The following CACNA2D3 variants were observed in gnomAD, a reference collection of about 807,000 sequenced individuals.
The protein encoded by CACNA2D3 is voltage-dependent calcium channel subunit alpha-2/delta-3.
In CACNA2D3, 60 loss-of-function variants were observed where a neutral mutation model predicts 160.6. The ratio of observed to expected loss-of-function variants is 0.37; its 90% CI spans 0.30 to 0.46. CACNA2D3 has a LOEUF of 0.46. Ranked by LOEUF, CACNA2D3 falls within the 20% of genes least tolerant of loss-of-function variation. The pLI is 1.00. For synonymous variants in CACNA2D3, 558 were observed against 492.9 expected (o/e 1.13, Z -1.75); for missense variants, 1,205 against 1,365.0 (o/e 0.88, Z 1.85).
chr3:54,918,321 C>CTTTTTTTTTTTT (rs60257399), intron 27 of CACNA2D3: 4 of 394,434 alleles, frequency 1.0e-5, no homozygotes, highest in East Asian at 5.1e-5. Context: ...ACAGACACAT[C>CTTTTTTTTTTTT]TTTTTTTTTT....
intron 9 of CACNA2D3, among the ~76,000 whole-genome samples, chr3:54,607,728 A>C (rs1698666197): frequency 6.6e-6 from 1 of 152,300 alleles, no homozygotes; most frequent in Non-Finnish European, 1.5e-5. Flanking sequence ...CCATTCCTGG[A>C]TATTTACCAA....
intron 9 of CACNA2D3, among the ~76,000 whole-genome samples, chr3:54,593,642 T>G (rs2106759878): frequency 6.6e-6 from 1 of 152,384 alleles, no homozygotes; most frequent in Non-Finnish European, 1.5e-5. Flanking sequence ...TGTGGGTCTG[T>G]AAGTGCCAGT....
chr3:54,819,524 G>T (rs993220793), intron 14 of CACNA2D3, among the ~76,000 whole-genome samples: 5 of 152,122 alleles, frequency 3.3e-5, no homozygotes, highest in African/African-American at 1.2e-4. Context: ...AGCCCAGCAG[G>T]TATGGGTGCT....
At chr3:54,474,360 G>T (rs981361480) in intron 4 of CACNA2D3, among the ~76,000 whole-genome samples, 5 of 151,808 alleles carry the variant, frequency 3.3e-5, no homozygotes, top group African/African-American at 9.7e-5. Context: ...AGAACACATG[G>T]ACACAGGGAG....
At chr3:55,049,255 C>A (rs1279064728) in intron 35 of CACNA2D3, among the ~76,000 whole-genome samples, 1 of 148,114 alleles carries the variant, frequency 6.8e-6, no homozygotes, top group Non-Finnish European at 1.5e-5. Flanking sequence ...TATAAATTTC[C>A]CTCTACACAC....
intron 4 of CACNA2D3, among the ~76,000 whole-genome samples, chr3:54,436,767 T>G (rs1700066108): frequency 6.6e-6 from 1 of 151,712 alleles, no homozygotes; most frequent in East Asian, 1.9e-4. Context: ...CATCACACCC[T>G]GGGGCCTGTC....
chr3:54,183,003 T>C (rs1216975622), intron 2 of CACNA2D3, among the ~76,000 whole-genome samples: 3 of 152,306 alleles, frequency 2.0e-5, no homozygotes, highest in South Asian at 4.1e-4. Flanking sequence ...GTAAAAGATA[T>C]AATCTACATA....
chr3:54,696,411 C>T lies in CACNA2D3; in HGVS notation c.1167+54170C>T, dbSNP rs191661803. Among the ~76,000 whole-genome samples, 36 of 152,302 alleles carry T rather than the reference C, an allele frequency of 2.4e-4. No individual in the cohort carries two copies. The East Asian group carries it at 6.8e-3, about 29-fold the overall frequency. On this transcript the variant is annotated intron_variant, in intron 11 of 37. Coordinates refer to ENST00000474759, the MANE Select transcript of CACNA2D3 (RefSeq NM_018398.3). The stretch of plus-strand genomic sequence containing the variant: ...TGCCTATGAGGTCCGATGCTATTTA[C>T]AATGCATAGAAATGAGTTTGACTTC...
rs1921538 is a variant in CACNA2D3, at chr3:54,825,281, G to C, written c.1398+8411G>C. On this transcript the variant is annotated intron_variant, in intron 14 of 37. Coordinates refer to ENST00000474759, the MANE Select transcript of CACNA2D3 (RefSeq NM_018398.3). ...CTTCTTCCTTCTACACAGAAGGGAA[G>C]GTAGAGGATCGAGGAAAGTTATTTC... 5.4e-3 allele frequency among the ~76,000 whole-genome samples: 821 copies of C among 152,322 alleles called. 8 individuals are homozygous for C. Among genetic ancestry groups the C allele is most frequent in the African/African-American group, 0.018 (730 of 41,574 alleles).
At position 54,242,335 on chromosome 3, in the gene CACNA2D3, C is replaced by T. The variant is rs757096019; in HGVS notation, c.205-78107C>T. Reference sequence around the variant, plus strand: ...GTGGACGTCTGTAATCCCAGCTACTCGGGAGGCTGAGGCAGGATAATCACT... The same window carrying T: ...GTGGACGTCTGTAATCCCAGCTACTTGGGAGGCTGAGGCAGGATAATCACT... On this transcript the variant is annotated intron_variant, in intron 2 of 37. Transcript: ENST00000474759. Among the ~76,000 whole-genome samples, 7 of 152,044 alleles carry T rather than the reference C, an allele frequency of 4.6e-5. 1 individual carries two copies. Among genetic ancestry groups the T allele is most frequent in the African/African-American group, 4.8e-5 (2 of 41,402 alleles).
At chr3:54,218,588 C>A (rs1701505896) in intron 2 of CACNA2D3, among the ~76,000 whole-genome samples, 1 of 152,156 alleles carries the variant, frequency 6.6e-6, no homozygotes. Context: ...TGACTTGGGA[C>A]AGGATTTTAG....
intron 27 of CACNA2D3, among the ~76,000 whole-genome samples, chr3:54,908,278 C>G (rs1700487850): frequency 1.3e-5 from 2 of 152,162 alleles, no homozygotes; most frequent in African/African-American, 4.8e-5. Context: ...TCCCTAATGA[C>G]TTAGCATCTT....
chr3:54,145,456 G>T (rs540602965), intron 2 of CACNA2D3, among the ~76,000 whole-genome samples: 28 of 152,152 alleles, frequency 1.8e-4, no homozygotes, highest in African/African-American at 4.8e-5. Context: ...AAGAATTGCA[G>T]TTTTTTTCTT....
chr3:54,171,303 A>T (rs1389505781), intron 2 of CACNA2D3, among the ~76,000 whole-genome samples: 4 of 151,804 alleles, frequency 2.6e-5, no homozygotes, highest in Non-Finnish European at 1.5e-5. Flanking sequence ...CAAATTCTCG[A>T]GTGCTATCGG....
At chr3:54,844,824 A>C (rs893585888) in intron 16 of CACNA2D3, among the ~76,000 whole-genome samples, 1 of 152,234 alleles carries the variant, frequency 6.6e-6, no homozygotes, top group Non-Finnish European at 1.5e-5. Flanking sequence ...AGTAATGTAC[A>C]TTAGAAGGTG....
intron 2 of CACNA2D3, among the ~76,000 whole-genome samples, chr3:54,283,817 C>G (rs951245642): frequency 6.6e-6 from 1 of 152,110 alleles, no homozygotes; most frequent in Admixed American, 6.5e-5. Context: ...TGTCCCAGCA[C>G]TTTGGGAGGC....
At chr3:54,164,583 C>T (rs1041170097) in intron 2 of CACNA2D3, among the ~76,000 whole-genome samples, 2 of 152,194 alleles carry the variant, frequency 1.3e-5, no homozygotes, top group Non-Finnish European at 2.9e-5. Context: ...TCCTCTGATC[C>T]CTTTTTAGGC....
At chr3:54,279,324 G>C (rs1186868558) in intron 2 of CACNA2D3, among the ~76,000 whole-genome samples, 1 of 152,224 alleles carries the variant, frequency 6.6e-6, no homozygotes, top group Non-Finnish European at 1.5e-5. Context: ...CGGGTGGGCA[G>C]CAGTGACCTT....
In CACNA2D3 at chr3:54,926,597, C is replaced by T. The variant is rs187077489; in HGVS notation, c.2449+26729C>T. Among the ~76,000 whole-genome samples, 284 of 151,680 alleles carry T rather than the reference C, an allele frequency of 1.9e-3. 1 individual carries two copies. The highest frequency in any genetic ancestry group is 6.6e-3 in the African/African-American group (274 of 41,326). On this transcript the variant is annotated intron_variant, in intron 27 of 37. Coordinates refer to ENST00000474759, the MANE Select transcript of CACNA2D3 (RefSeq NM_018398.3). ...TTTTAAAAATCCAGATAAATGTAAT[C>T]ATCAATATGTCTCATTCTGCAATTT...
Sources: gnomAD v4.1 joint callset for allele counts (sites outside exome capture counted in the v4.1 genomes callset) on GRCh38, gnomAD v4.1.1 for gene constraint, MANE v1.5 for transcripts, NCBI Gene and HGNC (gene_info 2026-07-23, HGNC 2026-07-21) for gene names.